Variants in LMBR1 observed in about 807,000 individuals in gnomAD.
The protein encoded by LMBR1 is limb development membrane protein 1.
Under a neutral mutation model 73.9 loss-of-function variants are expected in LMBR1, and 52 were observed. The ratio of observed to expected loss-of-function variants is 0.70; its 90% CI spans 0.56 to 0.89. LMBR1 has a LOEUF of 0.89. LMBR1 is among the 40% of genes least tolerant of loss of function. LMBR1 has a pLI of 0.00. For missense variants in LMBR1, 539 were observed against 579.8 expected (o/e 0.93, Z 0.72); for synonymous variants, 215 against 209.4 (o/e 1.03, Z -0.23).
chr7:156,721,983 T>C (rs955045953), intron 15 of LMBR1, among the ~76,000 whole-genome samples: 4 of 150,116 alleles, frequency 2.7e-5, no homozygotes, highest in Non-Finnish European at 4.4e-5. Context: ...ACATGTCCAT[T>C]GAACACTTTC....
chr7:156,716,635 C>T (rs964127286), intron 15 of LMBR1, among the ~76,000 whole-genome samples: 12 of 152,274 alleles, frequency 7.9e-5, no homozygotes, highest in African/African-American at 2.6e-4. Context: ...TTAAATATGT[C>T]CTTATTTCTT....
At chr7:156,755,453 T>G (rs929865192) in intron 9 of LMBR1, among the ~76,000 whole-genome samples, 3 of 152,228 alleles carry the variant, frequency 2.0e-5, no homozygotes, top group African/African-American at 7.2e-5. Flanking sequence ...ACAGAAATGG[T>G]GGCTACCTGA....
At chr7:156,739,043 C>T (rs1287973108) in intron 9 of LMBR1, among the ~76,000 whole-genome samples, 1 of 152,098 alleles carries the variant, frequency 6.6e-6, no homozygotes, top group Non-Finnish European at 1.5e-5. Context: ...CGAAACCAGG[C>T]CTAGGCTATT....
At chr7:156,886,723 T>C (rs1165997946) in intron 1 of LMBR1, among the ~76,000 whole-genome samples, 1 of 152,210 alleles carries the variant, frequency 6.6e-6, no homozygotes, top group Non-Finnish European at 1.5e-5. Context: ...AAGAAACACC[T>C]TGAGGCAGTT....
At chr7:156,692,594 G>A (rs998904150) in intron 15 of LMBR1, among the ~76,000 whole-genome samples, 9 of 152,322 alleles carry the variant, frequency 5.9e-5, no homozygotes, top group Middle Eastern at 3.4e-3. Context: ...ATCACTGAGA[G>A]ATGAGAAACA....
At chr7:156,795,647 G>A (rs976308784) in intron 5 of LMBR1, among the ~76,000 whole-genome samples, 4 of 152,138 alleles carry the variant, frequency 2.6e-5, no homozygotes, top group Non-Finnish European at 5.9e-5. Context: ...TCAACCTGCA[G>A]GCTCAAGCAA....
intron 15 of LMBR1, among the ~76,000 whole-genome samples, chr7:156,707,023 A>G (rs1408798958): frequency 6.6e-6 from 1 of 152,064 alleles, no homozygotes; most frequent in Non-Finnish European, 1.5e-5. Flanking sequence ...GAGACAACAC[A>G]AAGAAAATCA....
Position 156,756,393 on chromosome 7 carries a change from C to A in LMBR1, c.757G>T (p.Gly253Trp). 7.2e-7 allele frequency: 1 copy of A among 1,379,512 alleles called. No homozygotes were observed. Among genetic ancestry groups the A allele is most frequent in the Non-Finnish European group, 1.0e-6 (1 of 976,058 alleles). The allele number at this position is 1,379,512 out of a possible 1,614,324, so 85.5% of individuals were successfully genotyped here. A position where few individuals can be genotyped will look rare whatever the true frequency, so the allele number is the denominator to read the frequency against. Residue 253 changes from glycine (G) to tryptophan (W), a missense_variant and splice_region_variant, in exon 9 of 17, where the codon GGG becomes TGG. Gly to Trp is a radical substitution (Grantham distance 184). Around this residue, in one of 3 missense-constraint regions of LMBR1, gnomAD observed 454 missense variants for 473.4 expected, o/e 0.96. Coordinates refer to ENST00000353442, the MANE Select transcript of LMBR1 (RefSeq NM_022458.4). ...EEEALQRRLN[G>W]LSSSVEYNIM... ...GTCTAAATATGTAATATAAACATAC[C>A]ATTTAGTCGTCTCTGGAGTGCTTCT... is the stretch of plus-strand genomic sequence containing the variant.
At chr7:156,733,077 G>A (rs1010605179) in intron 10 of LMBR1, among the ~76,000 whole-genome samples, 4 of 152,100 alleles carry the variant, frequency 2.6e-5, no homozygotes, top group South Asian at 2.1e-4. Context: ...CCGGGGAGGC[G>A]GAGGTTGCAG....
intron 15 of LMBR1, among the ~76,000 whole-genome samples, chr7:156,721,425 A>C (rs1047305867): frequency 2.6e-5 from 4 of 152,070 alleles, no homozygotes; most frequent in Non-Finnish European, 5.9e-5. Context: ...AAAATATTTT[A>C]TTGCATAGAA....
rs1803494093 is a variant in LMBR1 at position 156,893,161 on chromosome 7, G to A, written c.-168C>T. 4 of 548,258 alleles carry A rather than the reference G, an allele frequency of 7.3e-6. No individual in the cohort carries two copies. Among genetic ancestry groups the A allele is most frequent in the Non-Finnish European group, 1.1e-5 (4 of 356,848 alleles). The allele number at this position is 548,258 out of a possible 1,614,324, so 34.0% of individuals were successfully genotyped here. A position where few individuals can be genotyped will look rare whatever the true frequency, so the allele number is the denominator to read the frequency against. On this transcript the variant is annotated 5_prime_UTR_variant, in exon 1 of 17. Coordinates refer to ENST00000353442, the MANE Select transcript of LMBR1 (RefSeq NM_022458.4). ...CACGACACCGGCCGTCGCCTCAGCA[G>A]CCTCAGACGAGCAGCTCTGACTAAG...
intron 4 of LMBR1, 112 bp downstream of exon 4, chr7:156,826,493 A>G: frequency 1.5e-6 from 1 of 651,130 alleles, no homozygotes; most frequent in Non-Finnish European, 2.3e-6. Flanking sequence ...CAAATCGTTT[A>G]CTGGAGGAAG....
intron 1 of LMBR1, among the ~76,000 whole-genome samples, chr7:156,880,963 T>C (rs1800997736): frequency 6.6e-6 from 1 of 150,968 alleles, no homozygotes. Context: ...CCCAGTGGCA[T>C]TTTTTTTTAA....
chr7:156,828,420 C>T (rs983691852), intron 3 of LMBR1, among the ~76,000 whole-genome samples: 3 of 152,184 alleles, frequency 2.0e-5, no homozygotes. Flanking sequence ...TTAAAAATTA[C>T]ATCTTCAGAG....
chr7:156,823,747 CAATAT>C (rs1467874136), intron 4 of LMBR1: 1 of 152,130 alleles, frequency 6.6e-6, no homozygotes, highest in Non-Finnish European at 1.5e-5. Flanking sequence ...ATGGAAAACA[CAATAT>C]AATATTAAAG....
chr7:156,748,242 G>A (rs6956558), intron 9 of LMBR1, among the ~76,000 whole-genome samples: 11,808 of 152,098 alleles, frequency 0.078, 524 homozygotes, highest in East Asian at 0.15. Flanking sequence ...ACTAATGACT[G>A]CAAGATAGAA....
chr7:156,892,672 A>C, intron 1 of LMBR1: 2 of 243,752 alleles, frequency 8.2e-6, no homozygotes, highest in Non-Finnish European at 1.5e-5. Flanking sequence ...AGGGAGCGCG[A>C]GGGGGCAGGG....
intron 3 of LMBR1, chr7:156,833,421 T>C: frequency 3.9e-6 from 1 of 255,632 alleles, no homozygotes; most frequent in Non-Finnish European, 7.4e-6. Flanking sequence ...AGATGTCCGC[T>C]GCTCGGTTCA....
intron 1 of LMBR1, among the ~76,000 whole-genome samples, chr7:156,856,517 T>C (rs1563545586): frequency 1.3e-5 from 2 of 152,006 alleles, no homozygotes; most frequent in Admixed American, 6.5e-5. Flanking sequence ...GCCCAGGAGA[T>C]TGAAACCAGC....
Sources: allele counts gnomAD v4.1 joint callset (sites outside exome capture counted in the v4.1 genomes callset), GRCh38; gene constraint gnomAD v4.1.1; regional missense constraint gnomAD v4.1.1; transcripts MANE v1.5; gene names NCBI Gene and HGNC (gene_info 2026-07-23, HGNC 2026-07-21).